Variants in CCDC33 observed in about 807,000 individuals in gnomAD.
CCDC33 encodes the protein coiled-coil domain containing 33.
In CCDC33, 94 loss-of-function variants were observed where a neutral mutation model predicts 91.9. That is an observed-to-expected ratio of 1.02 (90% CI 0.87 to 1.21). The LOEUF (loss-of-function observed/expected upper bound fraction) is 1.21, where lower values mean the gene tolerates loss of function less well. CCDC33 is among the 50% of genes most tolerant of loss of function. The pLI is 0.00. For synonymous variants in CCDC33, 396 were observed against 374.5 expected, an observed-to-expected ratio of 1.06 and a Z score of -0.66; for missense variants, 940 against 935.5, an observed-to-expected ratio of 1.00 and a Z score of -0.06.
chr15:74,221,437 C>T, intron 2 of CCDC33: 1 of 502,590 alleles, frequency 2.0e-6, no homozygotes. Context: ...TCAGCCACGG[C>T]CCCTGGGTTA....
Position 74,289,271 on chromosome 15 carries a change from C to T in CCDC33, c.1096-6483C>T, listed in dbSNP as rs114683290. On this transcript the variant is annotated intron_variant, in intron 10 of 18. Coordinates refer to ENST00000398814, the MANE Select transcript of CCDC33 (RefSeq NM_025055.5). Reference sequence around the variant, plus strand: ...AGACAGACAACCATCTCTCCAGAAGCCAGACTTGCTGAAGTCCTCAATGTA... The same window carrying T: ...AGACAGACAACCATCTCTCCAGAAGTCAGACTTGCTGAAGTCCTCAATGTA... 6.7e-3 allele frequency among the ~76,000 whole-genome samples: 1,028 copies of T among 152,356 alleles called. 15 individuals carry two copies. Among genetic ancestry groups the T allele is most frequent in the African/African-American group, 0.024 (982 of 41,578 alleles).
At chr15:74,266,642 TA>T in intron 3 of CCDC33, 35 bp from the exon 4 acceptor site, 1 of 1,453,350 alleles carries the variant, frequency 6.9e-7, no homozygotes, top group Non-Finnish European at 9.7e-7. Context: ...GGGATCCATT[TA>T]AAAATAAACC....
intron 5 of CCDC33, among the ~76,000 whole-genome samples, chr15:74,271,399 A>G (rs942408789): frequency 6.6e-6 from 1 of 152,132 alleles, no homozygotes; most frequent in African/African-American, 2.4e-5. Context: ...CTCCCTTCCC[A>G]GGACCCAACT....
At chr15:74,215,672 T>C (rs1355741822), upstream of CCDC33, among the ~76,000 whole-genome samples, 1 of 152,094 alleles carries the variant, frequency 6.6e-6, no homozygotes, top group East Asian at 1.9e-4. Flanking sequence ...AAAACCTTGC[T>C]AAGGCCAACA....
chr15:74,229,192 C>A (rs933411655), intron 2 of CCDC33, among the ~76,000 whole-genome samples: 1 of 152,194 alleles, frequency 6.6e-6, no homozygotes, highest in Non-Finnish European at 1.5e-5. Flanking sequence ...ATTTTCTTAT[C>A]TTTAAAATGG....
chr15:74,226,785 A>T (rs2074810948), intron 2 of CCDC33, among the ~76,000 whole-genome samples: 1 of 150,940 alleles, frequency 6.6e-6, no homozygotes, highest in Non-Finnish European at 1.5e-5. Context: ...CCAAGATCAC[A>T]CCACTGCACT....
intron 5 of CCDC33, among the ~76,000 whole-genome samples, chr15:74,271,095 G>A (rs1039966751): frequency 6.6e-6 from 1 of 152,084 alleles, no homozygotes; most frequent in Non-Finnish European, 1.5e-5. Context: ...AGGAGAGCAG[G>A]CACCAGGGTG....
chr15:74,287,931 G>T (rs1021492963), intron 10 of CCDC33, among the ~76,000 whole-genome samples: 7 of 152,166 alleles, frequency 4.6e-5, no homozygotes, highest in African/African-American at 1.7e-4. Flanking sequence ...CTCCTCCTGC[G>T]CTGCCATGAC....
At position 74,209,410 on chromosome 15, in the gene CCDC33, C is replaced by T. The variant is rs967327093; in HGVS notation, n.112C>T. The T allele has an allele frequency of 7.8e-6, 12 of 1,535,486 alleles. No homozygotes were observed. Among genetic ancestry groups the T allele is most frequent in the Middle Eastern group, 1.7e-4 (1 of 6,012 alleles). ...CAGGGGGCCACTGCCTGATGAATTG[C>T]CAGAGGGGAACCACCAGCTCGGCTC... On this transcript the variant is annotated non_coding_transcript_exon_variant, in exon 2 of 4. Transcript: ENST00000558645.
At chr15:74,330,427 G>A (rs1567041021) in intron 12 of CCDC33, 73 bp downstream of exon 12, 8 of 1,451,700 alleles carry the variant, frequency 5.5e-6, no homozygotes, top group East Asian at 4.9e-5. Context: ...GCAATAGGGT[G>A]GCTGGGAGCT....
chr15:74,311,774 G>A (rs1254103311), intron 11 of CCDC33: 1 of 152,212 alleles, frequency 6.6e-6, no homozygotes, highest in Non-Finnish European at 1.5e-5. Flanking sequence ...TAATAAAGAA[G>A]CAGCAGTCAC....
intron 2 of CCDC33, among the ~76,000 whole-genome samples, chr15:74,256,459 A>G (rs1171511178): frequency 6.6e-6 from 1 of 152,114 alleles, no homozygotes; most frequent in Admixed American, 6.5e-5. Context: ...GAGTGACCGA[A>G]CCATTGAGAG....
intron 2 of CCDC33, among the ~76,000 whole-genome samples, chr15:74,211,208 T>G (rs1436200932): frequency 6.6e-6 from 1 of 151,482 alleles, no homozygotes; most frequent in Non-Finnish European, 1.5e-5. Context: ...CCCAAGAACA[T>G]TCCTTCCTAG....
chr15:74,223,720 G>GCAAA (rs1439026162), intron 2 of CCDC33, among the ~76,000 whole-genome samples: 3 of 39,020 alleles, frequency 7.7e-5, no homozygotes, highest in African/African-American at 2.6e-4. Context: ...CCCACCGCCA[G>GCAAA]CATACACACA....
At chr15:74,274,843 G>T (rs1304799450) in intron 7 of CCDC33, among the ~76,000 whole-genome samples, 1 of 152,236 alleles carries the variant, frequency 6.6e-6, no homozygotes. Context: ...GTGGGACCCG[G>T]TCCAGCAATG....
chr15:74,275,643 T>C (rs1042148997), intron 7 of CCDC33, among the ~76,000 whole-genome samples: 1 of 151,578 alleles, frequency 6.6e-6, no homozygotes, highest in Non-Finnish European at 1.5e-5. Context: ...TTCATCCAAA[T>C]AGAATGAAAG....
intron 1 of CCDC33, among the ~76,000 whole-genome samples, chr15:74,237,120 T>C (rs2075188469): frequency 6.6e-6 from 1 of 152,162 alleles, no homozygotes; most frequent in African/African-American, 2.4e-5. Flanking sequence ...ATGCCCCCAT[T>C]GCCCCCATGC....
chr15:74,333,211 TC>T (rs1306284397), intron 16 of CCDC33: 5 of 1,572,256 alleles, frequency 3.2e-6, no homozygotes, highest in Admixed American at 1.8e-5. Flanking sequence ...AGAGCCCTTT[TC>T]CATCCCAGGT....
At position 74,295,928 on chromosome 15, in the gene CCDC33, C is replaced by A; in HGVS notation, c.1270C>A (p.Pro424Thr). Residue 424 changes from proline (P) to threonine (T), a missense_variant, in exon 11 of 19, where the codon CCT (proline) becomes ACT (threonine). Pro to Thr is a conservative substitution (Grantham distance 38). Transcript: ENST00000398814. Reference sequence around the variant, plus strand: ...AGAAGCAGAGGAGGAACCTCTGGTGCCTGAGATGTCCCATGACACAGTGAG... The same window carrying A: ...AGAAGCAGAGGAGGAACCTCTGGTGACTGAGATGTCCCATGACACAGTGAG... ...PREAEEEPLV[P>T]EMSHDTEMNN... 6.2e-7 allele frequency: 1 copy of A among 1,612,852 alleles called. No individual in the cohort carries two copies. Among genetic ancestry groups the A allele is most frequent in the Non-Finnish European group, 8.5e-7 (1 of 1,179,414 alleles).
Sources: gnomAD v4.1 joint callset for allele counts (sites outside exome capture counted in the v4.1 genomes callset) on GRCh38, gnomAD v4.1.1 for gene constraint, MANE v1.5 for transcripts, NCBI Gene and HGNC (gene_info 2026-07-23, HGNC 2026-07-21) for gene names.